The following TTC39B variants were observed in gnomAD, a reference collection of about 807,000 sequenced individuals.
The protein encoded by TTC39B is tetratricopeptide repeat domain 39B.
In TTC39B, 92 loss-of-function variants were observed where a neutral mutation model predicts 96.6. That is an observed-to-expected ratio of 0.95 (90% confidence interval 0.80 to 1.13). The LOEUF is 1.13. Ranked by LOEUF, TTC39B falls within the 50% of genes most tolerant of loss-of-function variation. TTC39B has a pLI of 0.00. For missense variants in TTC39B, 955 were observed against 809.3 expected (o/e 1.18, Z -2.18); for synonymous variants, 367 against 299.4 (o/e 1.23, Z -2.33).
At chr9:15,246,184 C>G (rs181096084) in intron 2 of TTC39B, among the ~76,000 whole-genome samples, 1 of 152,216 alleles carries the variant, frequency 6.6e-6, no homozygotes, top group Admixed American at 6.5e-5. Context: ...ACCTGGGAGG[C>G]AGAGGTTGTG....
At chr9:15,206,685 A>T (rs1020503607) in intron 6 of TTC39B, among the ~76,000 whole-genome samples, 4 of 152,182 alleles carry the variant, frequency 2.6e-5, no homozygotes, top group Non-Finnish European at 4.4e-5. Context: ...AAGTTTATTT[A>T]GATATGAAAG....
intron 7 of TTC39B, among the ~76,000 whole-genome samples, chr9:15,201,864 G>A (rs1215393605): frequency 1.3e-5 from 2 of 152,140 alleles, no homozygotes; most frequent in Non-Finnish European, 2.9e-5. Flanking sequence ...CAATCAATCA[G>A]AGCTACTGAA....
intron 2 of TTC39B, among the ~76,000 whole-genome samples, chr9:15,240,917 A>C (rs533847172): frequency 4.5e-4 from 68 of 152,286 alleles, no homozygotes; most frequent in African/African-American, 1.5e-3. Flanking sequence ...ACTGCTTTCA[A>C]ACTTATTACT....
chr9:15,256,450 T>C (rs1026273428), intron 2 of TTC39B, among the ~76,000 whole-genome samples: 1 of 152,170 alleles, frequency 6.6e-6, no homozygotes, highest in African/African-American at 2.4e-5. Context: ...AACACATATA[T>C]ACTGAGCACC....
At chr9:15,210,593 AC>A (rs745585455) in intron 5 of TTC39B, among the ~76,000 whole-genome samples, 23 of 152,134 alleles carry the variant, frequency 1.5e-4, no homozygotes, top group South Asian at 1.0e-3. Flanking sequence ...CTGATCATGA[AC>A]CTTCTGCCCT....
At chr9:15,205,148 G>A (rs974465580) in intron 6 of TTC39B, among the ~76,000 whole-genome samples, 1 of 152,134 alleles carries the variant, frequency 6.6e-6, no homozygotes, top group African/African-American at 2.4e-5. Flanking sequence ...CACAGCTGAA[G>A]GATCAAATGA....
intron 8 of TTC39B, among the ~76,000 whole-genome samples, chr9:15,195,771 A>G (rs990234772): frequency 2.0e-5 from 3 of 152,220 alleles, no homozygotes; most frequent in African/African-American, 7.2e-5. Context: ...TCACTGACGA[A>G]GGTGGCTGCA....
rs78937527 is a variant in TTC39B, at chr9:15,226,084, T to G, written c.276-72A>C. 2,824 of 1,278,090 alleles carry G rather than the reference T, an allele frequency of 2.2e-3. 57 individuals carry two copies. In the African/African-American group the frequency reaches 0.037, roughly 17 times the overall value. The allele number at this position is 1,278,090 out of a possible 1,614,324, so 79.2% of individuals were successfully genotyped here. A position where few individuals can be genotyped will look rare whatever the true frequency, so the allele number is the denominator to read the frequency against. ...TGAGAAAAGTCTACACCAGTGCAAT[T>G]ACACAACATAAGTCTTCCAATTATT... On this transcript the variant is annotated intron_variant, in intron 2 of 19. Transcript: ENST00000512701.
chr9:15,261,544 G>C (rs1377679006), intron 2 of TTC39B, among the ~76,000 whole-genome samples: 1 of 152,048 alleles, frequency 6.6e-6, no homozygotes, highest in Non-Finnish European at 1.5e-5. Flanking sequence ...CACTAGACAA[G>C]ACCAGGAATC....
intron 1 of TTC39B, among the ~76,000 whole-genome samples, chr9:15,283,249 G>T (rs1823834389): frequency 6.6e-6 from 1 of 152,222 alleles, no homozygotes. Flanking sequence ...ATTCACATGT[G>T]TATATAAGTA....
At chr9:15,269,587 C>T (rs1823260941) in intron 1 of TTC39B, among the ~76,000 whole-genome samples, 1 of 152,296 alleles carries the variant, frequency 6.6e-6, no homozygotes, top group African/African-American at 2.4e-5. Flanking sequence ...GGCGCAGTGG[C>T]TCATGCCTGC....
intron 10 of TTC39B, 81 bp downstream of exon 10, chr9:15,191,109 C>T: frequency 2.1e-6 from 2 of 936,404 alleles, no homozygotes; most frequent in Non-Finnish European, 3.4e-6. Context: ...GGTAGTTATG[C>T]AGACATGTTG....
At chr9:15,259,326 G>A (rs925332874) in intron 2 of TTC39B, among the ~76,000 whole-genome samples, 1 of 152,152 alleles carries the variant, frequency 6.6e-6, no homozygotes, top group African/African-American at 2.4e-5. Flanking sequence ...TAAATAACCT[G>A]CTTGAAGTTG....
intron 13 of TTC39B, 116 bp downstream of exon 13, chr9:15,189,458 T>C (rs1310107274): frequency 2.9e-6 from 3 of 1,030,592 alleles, no homozygotes; most frequent in Non-Finnish European, 4.2e-6. Flanking sequence ...TTTTTCTTTA[T>C]TTTTGTCTAG....
At chr9:15,195,362 G>C (rs114618554) in intron 8 of TTC39B, among the ~76,000 whole-genome samples, 1 of 152,042 alleles carries the variant, frequency 6.6e-6, no homozygotes, top group Non-Finnish European at 1.5e-5. Flanking sequence ...TTTAAGGAAA[G>C]ACACCATCTC....
At position 15,217,023 on chromosome 9, in the gene TTC39B, T is replaced by A. The variant is rs558568104; in HGVS notation, c.372-2774A>T. ...AAAAAGGTGACATCCAATTGCTGTA[T>A]AATGGAGCCAGCGATGGGAATATCT... On this transcript the variant is annotated intron_variant, in intron 3 of 19. Coordinates refer to ENST00000512701, the Ensembl canonical transcript of TTC39B. Among the ~76,000 whole-genome samples the A allele has an allele frequency of 5.3e-5, 8 of 152,196 alleles. No individual in the cohort carries two copies. In the South Asian group the frequency reaches 1.7e-3, roughly 32 times the overall value.
chr9:15,276,766 C>A (rs1202032057), intron 1 of TTC39B, among the ~76,000 whole-genome samples: 1 of 152,160 alleles, frequency 6.6e-6, no homozygotes, highest in Admixed American at 6.5e-5. Context: ...CCTTTCAATC[C>A]TCTACTTCCT....
At chr9:15,280,948 T>A (rs1175098785) in intron 1 of TTC39B, among the ~76,000 whole-genome samples, 2 of 152,154 alleles carry the variant, frequency 1.3e-5, no homozygotes, top group Non-Finnish European at 2.9e-5. Context: ...CTGTTTTGTG[T>A]GTTGAAAAGA....
Position 15,278,271 on chromosome 9 carries a change from C to T in TTC39B, c.241-10323G>A, listed in dbSNP as rs148615616. On this transcript the variant is annotated intron_variant, in intron 1 of 19. Coordinates refer to ENST00000512701, the Ensembl canonical transcript of TTC39B. ...TTTAAGTTGCCATTATCATAGAATA[C>T]TCACAGTTCTGGACATAACCCCACA... 6.4e-3 allele frequency among the ~76,000 whole-genome samples: 978 copies of T among 152,232 alleles called. 8 individuals carry two copies. Among genetic ancestry groups the T allele is most frequent in the African/African-American group, 0.022 (926 of 41,544 alleles).
Sources: gnomAD v4.1 joint callset for allele counts (sites outside exome capture counted in the v4.1 genomes callset) on GRCh38, gnomAD v4.1.1 for gene constraint, MANE v1.5 for transcripts, NCBI Gene and HGNC (gene_info 2026-07-23, HGNC 2026-07-21) for gene names.